SH3YL1: variants seen among roughly 807,000 people sequenced by gnomAD.
The protein encoded by SH3YL1 is SH3 domain-containing YSC84-like protein 1.
In SH3YL1, 41 loss-of-function variants were observed where a neutral mutation model predicts 45.8. The observed-to-expected ratio is 0.89, with a 90% confidence interval of 0.70 to 1.16. The LOEUF (loss-of-function observed/expected upper bound fraction) is 1.16, where lower values mean the gene tolerates loss of function less well. SH3YL1 is among the 50% of genes most tolerant of loss of function. SH3YL1 has a pLI of 0.00. For synonymous variants in SH3YL1, 152 were observed against 151.4 expected, an observed-to-expected ratio of 1.00 and a Z score of -0.03; for missense variants, 389 against 409.6, an observed-to-expected ratio of 0.95 and a Z score of 0.43.
At chr2:220,125 A>G (rs1160456142) in intron 9 of SH3YL1, among the ~76,000 whole-genome samples, 1 of 150,994 alleles carries the variant, frequency 6.6e-6, no homozygotes, top group Non-Finnish European at 1.5e-5. Flanking sequence ...AACTAGATGT[A>G]CAGACATACA....
At chr2:249,497 A>G (rs1481035017) in intron 3 of SH3YL1, among the ~76,000 whole-genome samples, 1 of 152,230 alleles carries the variant, frequency 6.6e-6, no homozygotes, top group East Asian at 1.9e-4. Flanking sequence ...AAACAAAGTT[A>G]TATCTACCTG....
At chr2:229,888 T>G (rs771425103) in intron 8 of SH3YL1, 78 bp downstream of exon 8, 2 of 1,164,918 alleles carry the variant, frequency 1.7e-6, no homozygotes, top group Non-Finnish European at 2.5e-6. Flanking sequence ...AGTTTAACAA[T>G]GTATCTTGAT....
intron 9 of SH3YL1, among the ~76,000 whole-genome samples, 191 bp from the exon 10 acceptor site, chr2:219,192 GGA>G (rs1236812202): frequency 1.3e-4 from 20 of 152,176 alleles, no homozygotes; most frequent in African/African-American, 4.8e-4. Context: ...CTATACCTAA[GGA>G]TTTAGCACAT....
At chr2:262,741 A>T (rs1669637253) in intron 1 of SH3YL1, 1 of 1,231,272 alleles carries the variant, frequency 8.1e-7, no homozygotes, top group African/African-American at 1.6e-5. Flanking sequence ...GACATGCCAG[A>T]TCCTTATTTC....
Position 264,024 on chromosome 2 carries a change from C to A in SH3YL1, c.-40G>T. The A allele has an allele frequency of 7.2e-7, 1 of 1,397,446 alleles. No individual in the cohort carries two copies. The allele number at this position is 1,397,446 out of a possible 1,614,324, so 86.6% of individuals were successfully genotyped here. On this transcript the variant is annotated 5_prime_UTR_variant, in exon 1 of 10. Transcript: ENST00000356150. ...CGCGGCGCCCCGTCCCGAGGCTGCC[C>A]AGGAAGAGGAAGGCGCGCTGCCCCG... is the stretch of plus-strand genomic sequence containing the variant.
chr2:236,818 G>T (rs1049073799), intron 4 of SH3YL1, among the ~76,000 whole-genome samples: 5 of 152,130 alleles, frequency 3.3e-5, no homozygotes, highest in African/African-American at 1.2e-4. Context: ...ATACTTGAAA[G>T]GCCCTAAGAG....
chr2:232,973 G>T, intron 6 of SH3YL1, 128 bp downstream of exon 6: 2 of 666,588 alleles, frequency 3.0e-6, no homozygotes, highest in Non-Finnish European at 4.3e-6. Context: ...ATTTTTAAAT[G>T]TAAGATACAC....
intron 7 of SH3YL1, chr2:230,495 C>T (rs1181070117): frequency 3.6e-5 from 6 of 167,978 alleles, no homozygotes; most frequent in Non-Finnish European, 6.5e-5. Flanking sequence ...CATACAAAGG[C>T]GTCAGTATCT....
At chr2:239,064 A>G (rs1328343668) in intron 4 of SH3YL1, among the ~76,000 whole-genome samples, 1 of 152,218 alleles carries the variant, frequency 6.6e-6, no homozygotes, top group East Asian at 1.9e-4. Flanking sequence ...TCTCCAGTGA[A>G]ACCACAGCAC....
At chr2:241,599 A>AT (rs1212934798) in intron 4 of SH3YL1, 1 of 152,158 alleles carries the variant, frequency 6.6e-6, no homozygotes, top group African/African-American at 2.4e-5. Context: ...CTCTGGATAG[A>AT]TAATTGTAAA....
rs1669145487 is a variant in SH3YL1 at position 253,107 on chromosome 2, G to A, written c.10C>T (p.Pro4Ser). The A allele has an allele frequency of 1.3e-6, 2 of 1,501,938 alleles. No homozygotes were observed. Among genetic ancestry groups the A allele is most frequent in the Non-Finnish European group, 1.8e-6 (2 of 1,108,494 alleles). 93.0% of individuals were successfully genotyped at this position (1,501,938 alleles called of 1,614,324 possible). Residue 4 changes from proline to serine, a missense_variant, in exon 2 of 10, where the codon CCT becomes TCT. Pro to Ser is a moderately conservative substitution (Grantham distance 74). Transcript: ENST00000356150. ...TCTGATTTCAAATTGGAAGGTATAGGGTTATTCACTGAAACATAACAAAAG... is the reference window on the plus strand; with the variant it reads ...TCTGATTTCAAATTGGAAGGTATAGAGTTATTCACTGAAACATAACAAAAG... MNN[P>S]IPSNLKSEAK... is the part of the protein sequence containing the mutation.
chr2:225,617 T>C (rs989664804), intron 8 of SH3YL1, among the ~76,000 whole-genome samples: 1 of 152,160 alleles, frequency 6.6e-6, no homozygotes, highest in African/African-American at 2.4e-5. Context: ...TAAAGTTTGG[T>C]GGGATGGGAA....
At chr2:229,193 G>C (rs541578287) in intron 8 of SH3YL1, among the ~76,000 whole-genome samples, 1 of 152,076 alleles carries the variant, frequency 6.6e-6, no homozygotes, top group African/African-American at 2.4e-5. Flanking sequence ...TAGAGAGAAA[G>C]ATAAAGACCA....
Position 253,008 on chromosome 2 carries a change from G to C in SH3YL1, c.109C>G (p.Pro37Ala), listed in dbSNP as rs1669139609. 1.9e-5 allele frequency: 29 copies of C among 1,523,006 alleles called. No individual in the cohort carries two copies. Among genetic ancestry groups the C allele is most frequent in the Non-Finnish European group, 2.6e-5 (29 of 1,122,584 alleles). 94.3% of individuals were successfully genotyped at this position (1,523,006 alleles called of 1,614,324 possible). A position where few individuals can be genotyped will look rare whatever the true frequency, so the allele number is the denominator to read the frequency against. Reference protein sequence around the residue: ...TSRNGPDKIIPAHVIAKAKGL... With the variant: ...TSRNGPDKIIAAHVIAKAKGL... ...AGCACTCATCCTATTTACCTACCAG[G>C]AATGATCTTATCAGGTCCATTTCTG... The change falls in exon 2 of 10, where the codon CCT becomes GCT. Residue 37 changes from proline to alanine, a missense_variant. Coordinates refer to ENST00000356150, the MANE Select transcript of SH3YL1 (RefSeq NM_015677.4).
upstream of SH3YL1, chr2:264,079 C>A (rs1669732524): frequency 1.5e-6 from 2 of 1,340,986 alleles, no homozygotes; most frequent in Non-Finnish European, 1.9e-6. Context: ...CCAGCGAGGG[C>A]GTACCTGCGG....
At chr2:258,143 T>A (rs1015764175) in intron 1 of SH3YL1, among the ~76,000 whole-genome samples, 1 of 152,218 alleles carries the variant, frequency 6.6e-6, no homozygotes, top group Admixed American at 6.5e-5. Flanking sequence ...GGCTCTTTCT[T>A]GGTTCCATAT....
intron 3 of SH3YL1, among the ~76,000 whole-genome samples, chr2:248,374 C>T (rs1278672629): frequency 1.3e-5 from 2 of 152,062 alleles, no homozygotes; most frequent in African/African-American, 2.4e-5. Context: ...CAGAACTATC[C>T]TACCCAGGCT....
chr2:227,575 T>A (rs759215934), intron 8 of SH3YL1, among the ~76,000 whole-genome samples: 7 of 152,026 alleles, frequency 4.6e-5, no homozygotes, highest in Non-Finnish European at 8.8e-5. Flanking sequence ...AACAAATAAA[T>A]AAATAAATAT....
chr2:249,600 G>A (rs552773533), intron 3 of SH3YL1, 131 bp downstream of exon 3: 20 of 656,064 alleles, frequency 3.0e-5, no homozygotes, highest in Admixed American at 8.5e-5. Context: ...GTTCAGTCGA[G>A]TAGCCCTTAT....
Sources: gnomAD v4.1 joint callset for allele counts (sites outside exome capture counted in the v4.1 genomes callset) on GRCh38, gnomAD v4.1.1 for gene constraint, MANE v1.5 for transcripts, NCBI Gene and HGNC (gene_info 2026-07-23, HGNC 2026-07-21) for gene names.